The following ERBB4 variants were observed in gnomAD, a reference collection of about 807,000 sequenced individuals.
ERBB4 encodes the protein receptor tyrosine-protein kinase erbB-4.
In ERBB4, 42 loss-of-function variants were observed where a neutral mutation model predicts 158.0. That is an observed-to-expected ratio of 0.27 (90% CI 0.21 to 0.34). The LOEUF is 0.34. Ranked by LOEUF, ERBB4 falls within the 10% of genes least tolerant of loss-of-function variation. The pLI, the probability that ERBB4 is intolerant of heterozygous loss-of-function variation, is 1.00. For synonymous variants in ERBB4, 583 were observed against 558.7 expected, an observed-to-expected ratio of 1.04 and a Z score of -0.61; for missense variants, 1,333 against 1,624.1, an observed-to-expected ratio of 0.82 and a Z score of 3.08.
At chr2:211,609,359 A>G (rs2069104728) in intron 19 of ERBB4, among the ~76,000 whole-genome samples, 1 of 152,174 alleles carries the variant, frequency 6.6e-6, no homozygotes, top group East Asian at 1.9e-4. Flanking sequence ...GCTCAGAGAA[A>G]TCAACAAGAA....
chr2:211,652,984 C>G lies in ERBB4; in HGVS notation c.1946+4770G>C, dbSNP rs539234999. ...AATAAACAAACAAACAAAAAAAAAT[C>G]TTTGGATATATATTTGACAAAGAAT... On this transcript the variant is annotated intron_variant, in intron 16 of 27. Transcript: ENST00000342788. Among the ~76,000 whole-genome samples the G allele has an allele frequency of 2.5e-3, 387 of 152,122 alleles. 2 individuals carry two copies. Among genetic ancestry groups the G allele is most frequent in the Non-Finnish European group, 3.8e-3 (261 of 67,976 alleles).
intron 1 of ERBB4, among the ~76,000 whole-genome samples, chr2:212,300,603 G>A (rs1262604690): frequency 6.6e-6 from 1 of 151,322 alleles, no homozygotes; most frequent in African/African-American, 2.4e-5. Context: ...GCAGTAAATC[G>A]AGATGTGATA....
At chr2:211,768,717 A>G (rs1312920121) in intron 4 of ERBB4, among the ~76,000 whole-genome samples, 3 of 152,148 alleles carry the variant, frequency 2.0e-5, no homozygotes, top group African/African-American at 7.2e-5. Context: ...CTGAGATTGC[A>G]CAAAGCAGCA....
chr2:212,267,690 A>C lies in ERBB4; in HGVS notation c.83-142787T>G, dbSNP rs200089124. ...TGTATACATGTGCCATGCTGGTGTG[A>C]TGCACCCATTAACTCTTCATTTAAC... On this transcript the variant is annotated intron_variant, in intron 1 of 27. Coordinates refer to ENST00000342788, the MANE Select transcript of ERBB4 (RefSeq NM_005235.3). Among the ~76,000 whole-genome samples, 40 of 148,474 alleles carry C rather than the reference A, an allele frequency of 2.7e-4. No individual in the cohort carries two copies. The East Asian group carries it at 4.8e-3, about 18-fold the overall frequency.
chr2:212,499,155 TG>T (rs1227009360), intron 1 of ERBB4, among the ~76,000 whole-genome samples: 1 of 152,092 alleles, frequency 6.6e-6, no homozygotes, highest in Admixed American at 6.6e-5. Flanking sequence ...TTGGTTTTGT[TG>T]AAACCGCATT....
intron 23 of ERBB4, among the ~76,000 whole-genome samples, chr2:211,422,609 T>C (rs924887612): frequency 6.6e-6 from 1 of 151,848 alleles, no homozygotes; most frequent in South Asian, 2.1e-4. Flanking sequence ...TTTCAAGGTA[T>C]GTATTCTTAT....
chr2:211,996,646 C>T (rs985561989), intron 2 of ERBB4, among the ~76,000 whole-genome samples: 1 of 152,120 alleles, frequency 6.6e-6, no homozygotes, highest in Non-Finnish European at 1.5e-5. Context: ...TTTCTAGATA[C>T]TGTAATGTTC....
At chr2:211,888,315 T>A (rs1470100622) in intron 3 of ERBB4, among the ~76,000 whole-genome samples, 1 of 150,968 alleles carries the variant, frequency 6.6e-6, no homozygotes, top group Non-Finnish European at 1.5e-5. Context: ...TACATTAGCA[T>A]AAAGCTATTT....
intron 1 of ERBB4, among the ~76,000 whole-genome samples, chr2:212,513,702 TC>T (rs1272698714): frequency 9.2e-5 from 14 of 151,880 alleles, no homozygotes; most frequent in Non-Finnish European, 1.6e-4. Context: ...TCCCAGCTAC[TC>T]CGGGAGGCTG....
At chr2:212,179,247 A>G (rs995205349) in intron 1 of ERBB4, among the ~76,000 whole-genome samples, 9 of 151,462 alleles carry the variant, frequency 5.9e-5, no homozygotes, top group Non-Finnish European at 1.2e-4. Flanking sequence ...GAGCTACCTG[A>G]TGACTCTTCG....
intron 1 of ERBB4, among the ~76,000 whole-genome samples, chr2:212,286,540 G>A (rs2085968177): frequency 6.8e-6 from 1 of 146,300 alleles, no homozygotes; most frequent in Admixed American, 6.9e-5. Flanking sequence ...TTACAATGGA[G>A]AAAATGCATA....
At chr2:211,462,965 C>T (rs1035005175) in intron 20 of ERBB4, among the ~76,000 whole-genome samples, 1 of 152,084 alleles carries the variant, frequency 6.6e-6, no homozygotes, top group African/African-American at 2.4e-5. Flanking sequence ...TGATAGAAAG[C>T]AGTTTGTTGC....
intron 20 of ERBB4, among the ~76,000 whole-genome samples, chr2:211,459,901 C>T (rs1234829703): frequency 6.6e-6 from 1 of 151,998 alleles, no homozygotes. Flanking sequence ...ATACACACAT[C>T]GTGCACTCTT....
At chr2:211,629,254 A>C (rs1333165406) in intron 17 of ERBB4, among the ~76,000 whole-genome samples, 1 of 152,176 alleles carries the variant, frequency 6.6e-6, no homozygotes, top group African/African-American at 2.4e-5. Context: ...CACCAATAAC[A>C]GACAAACAGA....
chr2:212,003,463 A>T (rs1048421621), intron 2 of ERBB4, among the ~76,000 whole-genome samples: 3 of 152,028 alleles, frequency 2.0e-5, no homozygotes, highest in Non-Finnish European at 2.9e-5. Context: ...AAGGCAGGAG[A>T]ATAGTGTCTG....
At chr2:211,782,424 T>C (rs2076058698) in intron 4 of ERBB4, among the ~76,000 whole-genome samples, 1 of 103,382 alleles carries the variant, frequency 9.7e-6, no homozygotes, top group African/African-American at 4.8e-5. Context: ...ACCTAGCAGC[T>C]TAGCTGTCAG....
At chr2:212,076,784 A>G (rs2078286983) in intron 2 of ERBB4, among the ~76,000 whole-genome samples, 1 of 151,972 alleles carries the variant, frequency 6.6e-6, no homozygotes, top group African/African-American at 2.4e-5. Flanking sequence ...GAGTTTGTTT[A>G]TAAGATATAA....
At chr2:211,473,955 T>C (rs2125532674) in intron 20 of ERBB4, among the ~76,000 whole-genome samples, 1 of 152,208 alleles carries the variant, frequency 6.6e-6, no homozygotes, top group Non-Finnish European at 1.5e-5. Context: ...TCCTGGGTTA[T>C]CGTAAACCCA....
chr2:212,046,792 G>A (rs2077272153), intron 2 of ERBB4, among the ~76,000 whole-genome samples: 1 of 152,112 alleles, frequency 6.6e-6, no homozygotes, highest in Admixed American at 6.5e-5. Context: ...TGCAACGTTT[G>A]CTGTTTGCTG....
Sources: gnomAD v4.1 joint callset for allele counts (sites outside exome capture counted in the v4.1 genomes callset) on GRCh38, gnomAD v4.1.1 for gene constraint, MANE v1.5 for transcripts, NCBI Gene and HGNC (gene_info 2026-07-23, HGNC 2026-07-21) for gene names.